Variants in EBF2 observed in about 807,000 individuals in gnomAD.
EBF2 encodes the protein transcription factor COE2.
Under a neutral mutation model 72.8 loss-of-function variants are expected in EBF2, and 21 were observed. That is an observed-to-expected ratio of 0.29 (90% confidence interval 0.20 to 0.42). The LOEUF (loss-of-function observed/expected upper bound fraction) is 0.42, where lower values mean the gene tolerates loss of function less well. EBF2 is among the 10% of genes least tolerant of loss of function. The pLI is 1.00. For synonymous variants in EBF2, 299 were observed against 274.2 expected (o/e 1.09, Z -0.89); for missense variants, 637 against 731.2 (o/e 0.87, Z 1.49).
chr8:25,915,625 A>AAG (rs1465433996), intron 6 of EBF2, among the ~76,000 whole-genome samples: 1 of 151,726 alleles, frequency 6.6e-6, no homozygotes, highest in Non-Finnish European at 1.5e-5. Context: ...AAAAAAAAAA[A>AAG]AGGTTACTCA....
chr8:25,920,130 T>C (rs908995490), intron 6 of EBF2, among the ~76,000 whole-genome samples: 8 of 152,178 alleles, frequency 5.3e-5, no homozygotes, highest in Non-Finnish European at 7.3e-5. Context: ...GAGGCCAAAA[T>C]TATTTTCTCT....
chr8:25,947,169 T>C (rs187945247), intron 6 of EBF2, among the ~76,000 whole-genome samples: 62 of 152,322 alleles, frequency 4.1e-4, no homozygotes, highest in South Asian at 8.3e-4. Flanking sequence ...AATCCTCATG[T>C]GTCATGGAAG....
intron 7 of EBF2, among the ~76,000 whole-genome samples, chr8:25,892,645 C>G (rs2117296179): frequency 1.3e-5 from 2 of 152,194 alleles, no homozygotes; most frequent in Non-Finnish European, 2.9e-5. Flanking sequence ...TTGGGAAAAT[C>G]CCTAAAACCC....
At chr8:25,959,010 A>G (rs929484394) in intron 6 of EBF2, among the ~76,000 whole-genome samples, 14 of 152,208 alleles carry the variant, frequency 9.2e-5, no homozygotes, top group African/African-American at 3.1e-4. Flanking sequence ...TGGGAACCTC[A>G]TAAGGTTAGG....
Position 25,938,375 on chromosome 8 carries a change from G to GA in EBF2, c.552-29821dup, listed in dbSNP as rs555008923. Among the ~76,000 whole-genome samples the GA allele has an allele frequency of 8.9e-3, 1,159 of 130,432 alleles. 11 individuals are homozygous for GA. The highest frequency in any genetic ancestry group is 0.026 in the African/African-American group (920 of 35,734). 85.6% of individuals were successfully genotyped at this position (130,432 alleles called of 152,430 possible). On this transcript the variant is annotated intron_variant, in intron 6 of 15. Coordinates refer to ENST00000520164, the MANE Select transcript of EBF2 (RefSeq NM_022659.4). ...AATGTTATTTTTCCTCTCTTACTTT[G>GA]AAAAAAAAAAAGCCTAGTTTTTTTT...
In EBF2 at chr8:25,858,474, G is replaced by A. The variant is rs758643946; in HGVS notation, c.1373C>T (p.Pro458Leu). The change falls in exon 14 of 16, where the codon CCG (proline) becomes CTG (leucine). Residue 458 changes from proline (P) to leucine (L), a missense_variant. Transcript: ENST00000520164. ...CGTGGAGCTGGAAGAGTATCCCCGC[G>A]GAGAGATGCTGCTTGTGTTGCGGAT... ...GYIRNTSSIS[P>L]RGYSSSSTPQ... 11 of 1,613,786 alleles carry A rather than the reference G, an allele frequency of 6.8e-6. No homozygotes were observed. The highest frequency in any genetic ancestry group is 2.2e-5 in the East Asian group (1 of 44,876).
At chr8:25,886,945 G>A in intron 9 of EBF2, 64 bp from the exon 10 acceptor site, 3 of 1,556,138 alleles carry the variant, frequency 1.9e-6, no homozygotes, top group Non-Finnish European at 2.6e-6. Context: ...AGGACATAAG[G>A]TGTACAACAT....
intron 6 of EBF2, 26 bp downstream of exon 6, chr8:26,033,059 A>T (rs774700389): frequency 6.2e-7 from 1 of 1,608,488 alleles, no homozygotes; most frequent in South Asian, 1.1e-5. Context: ...ACCAAAAATG[A>T]TTGAAAAATC....
chr8:26,042,159 T>C lies in EBF2; in HGVS notation c.224A>G (p.Asp75Gly). The C allele has an allele frequency of 6.2e-7, 1 of 1,614,122 alleles. No individual in the cohort carries two copies. Among genetic ancestry groups the C allele is most frequent in the East Asian group, 2.2e-5 (1 of 44,856 alleles). The change falls in exon 2 of 16, where the codon GAC becomes GGC. Residue 75 changes from aspartate to glycine, a missense_variant. By Grantham distance (94) the Asp-to-Gly change is moderately conservative (BLOSUM62 -1). This residue lies in a region of EBF2 where 174 missense variants were observed against 161.9 expected (regional missense o/e 1.07). Coordinates refer to ENST00000520164, the MANE Select transcript of EBF2 (RefSeq NM_022659.4). ...NFFHFVLALY[D>G]RQGQPVEIER... ...GATCTCCACCGGCTGGCCCTGCCTG[T>C]CATAGAGCGCCAGGACGAAGTGAAA...
intron 6 of EBF2, among the ~76,000 whole-genome samples, chr8:25,985,017 C>T (rs1235020270): frequency 4.0e-5 from 6 of 151,838 alleles, no homozygotes; most frequent in African/African-American, 7.3e-5. Flanking sequence ...TCTTAGGGAC[C>T]GTAAACTCTG....
chr8:25,963,906 T>C (rs186315348), intron 6 of EBF2, among the ~76,000 whole-genome samples: 86 of 152,362 alleles, frequency 5.6e-4, no homozygotes, highest in South Asian at 1.2e-3. Flanking sequence ...GGCTCTAGTT[T>C]AGCCTCTTGT....
At chr8:26,008,689 GT>G (rs1367250173) in intron 6 of EBF2, among the ~76,000 whole-genome samples, 1 of 151,760 alleles carries the variant, frequency 6.6e-6, no homozygotes, top group African/African-American at 2.4e-5. Context: ...AATTAGCAGC[GT>G]TTTATCATCT....
At chr8:26,027,383 A>G (rs1430165728) in intron 6 of EBF2, among the ~76,000 whole-genome samples, 1 of 152,098 alleles carries the variant, frequency 6.6e-6, no homozygotes, top group Non-Finnish European at 1.5e-5. Flanking sequence ...ACAAGCCTGG[A>G]CCAAAGGTGA....
In EBF2 at chr8:26,044,608, C is replaced by T. The variant is rs1038073548; in HGVS notation, c.131+121G>A. 1 of 1,435,942 alleles carries T rather than the reference C, an allele frequency of 7.0e-7. No homozygotes were observed. Among genetic ancestry groups the T allele is most frequent in the African/African-American group, 1.4e-5 (1 of 70,342 alleles). The allele number at this position is 1,435,942 out of a possible 1,614,324, so 89.0% of individuals were successfully genotyped here. A position where few individuals can be genotyped will look rare whatever the true frequency, so the allele number is the denominator to read the frequency against. ...GAGGGCGAGCCCCAGCGCGCAGGGCCTGGGCGACAGATGGGGGGACAGGGA... is the reference window on the plus strand; with the variant it reads ...GAGGGCGAGCCCCAGCGCGCAGGGCTTGGGCGACAGATGGGGGGACAGGGA... On this transcript the variant is annotated intron_variant, in intron 1 of 15. Transcript: ENST00000520164. The surrounding 1 kb of genome is among the most constrained non-coding windows in gnomAD (Gnocchi z 4.1).
At chr8:25,883,480 ATAT>A (rs1335104252) in intron 10 of EBF2, among the ~76,000 whole-genome samples, 22 of 149,746 alleles carry the variant, frequency 1.5e-4, no homozygotes, top group African/African-American at 4.9e-4. Context: ...AGGTGTACTG[ATAT>A]TATTGATTTT....
chr8:25,991,318 A>G (rs1224293621), intron 6 of EBF2, among the ~76,000 whole-genome samples: 1 of 152,206 alleles, frequency 6.6e-6, no homozygotes, highest in Non-Finnish European at 1.5e-5. Flanking sequence ...TATCACAGAA[A>G]TCCAATCACA....
intron 14 of EBF2, 174 bp downstream of exon 14, chr8:25,858,145 C>T: frequency 1.2e-6 from 1 of 843,960 alleles, no homozygotes. Context: ...CCACGTGAGC[C>T]AAAGTCCAGC....
At chr8:25,995,434 T>C (rs2117214289) in intron 6 of EBF2, among the ~76,000 whole-genome samples, 1 of 152,180 alleles carries the variant, frequency 6.6e-6, no homozygotes, top group South Asian at 2.1e-4. Context: ...GGAAGACAGA[T>C]CCATGAGCAA....
chr8:25,931,562 A>C, intron 6 of EBF2, among the ~76,000 whole-genome samples: 1 of 152,226 alleles, frequency 6.6e-6, no homozygotes, highest in East Asian at 1.9e-4. Context: ...AAAATTTGTC[A>C]CCTAGCTAAT....
Sources: gnomAD v4.1 joint callset for allele counts (sites outside exome capture counted in the v4.1 genomes callset) on GRCh38, gnomAD v4.1.1 for gene constraint, gnomAD v4.1.1 regional missense constraint, Gnocchi (gnomAD v3.1) non-coding constraint, MANE v1.5 for transcripts, NCBI Gene and HGNC (gene_info 2026-07-23, HGNC 2026-07-21) for gene names.